RICTOR: variants seen among roughly 807,000 people sequenced by gnomAD.
RICTOR encodes RPTOR independent companion of MTOR complex 2.
RICTOR carries 49 observed loss-of-function variants against 214.9 expected under a neutral mutation model. That is an observed-to-expected ratio of 0.23 (90% CI 0.18 to 0.29). The LOEUF is 0.29. RICTOR is among the 10% of genes least tolerant of loss of function. The probability of loss-of-function intolerance (pLI) is 1.00; values close to 1 mark genes in which losing one functional copy is unlikely to be tolerated. For synonymous variants in RICTOR, 717 were observed against 711.3 expected (o/e 1.01, Z -0.13); for missense variants, 1,625 against 2,047.0 (o/e 0.79, Z 3.98).
At chr5:38,983,635 T>C (rs1427673730) in intron 7 of RICTOR, among the ~76,000 whole-genome samples, 1 of 152,186 alleles carries the variant, frequency 6.6e-6, no homozygotes, top group East Asian at 1.9e-4. Flanking sequence ...TGTATCTGTG[T>C]ACATGTACAT....
chr5:39,018,959 A>C (rs950566015), intron 3 of RICTOR, among the ~76,000 whole-genome samples: 1 of 152,172 alleles, frequency 6.6e-6, no homozygotes, highest in Admixed American at 6.5e-5. Flanking sequence ...TGAACACACA[A>C]ATAATATGAA....
At chr5:38,996,185 T>C (rs1199757317) in intron 6 of RICTOR, among the ~76,000 whole-genome samples, 2 of 152,218 alleles carry the variant, frequency 1.3e-5, no homozygotes, top group African/African-American at 4.8e-5. Flanking sequence ...TGACTGACAC[T>C]TGTCTCACTC....
At chr5:38,978,092 T>C (rs920805445) in intron 9 of RICTOR, among the ~76,000 whole-genome samples, 1 of 152,154 alleles carries the variant, frequency 6.6e-6, no homozygotes, top group Non-Finnish European at 1.5e-5. Flanking sequence ...TATCTCCAAA[T>C]ACCTAGTGAA....
At chr5:38,999,200 T>C (rs916215955) in intron 5 of RICTOR, among the ~76,000 whole-genome samples, 2 of 150,370 alleles carry the variant, frequency 1.3e-5, no homozygotes. Flanking sequence ...CGTTGAAAAA[T>C]ACAATAATGG....
chr5:38,975,734 A>ATC, intron 9 of RICTOR, 130 bp from the exon 10 acceptor site: 1 of 588,852 alleles, frequency 1.7e-6, no homozygotes, highest in Non-Finnish European at 2.9e-6. Flanking sequence ...TTAAAACAAG[A>ATC]CAAAGATCAG....
At chr5:38,943,045 C>T (rs924655206) in intron 36 of RICTOR, 74 bp from the exon 37 acceptor site, 25 of 1,104,348 alleles carry the variant, frequency 2.3e-5, no homozygotes, top group Non-Finnish European at 3.2e-5. Context: ...GTATCACTTA[C>T]TTTAAAAATA....
chr5:38,949,869 C>G lies in RICTOR; in HGVS notation c.3979G>C (p.Ala1327Pro), dbSNP rs1269377925. 6.2e-6 allele frequency: 10 copies of G among 1,613,284 alleles called. No individual in the cohort carries two copies. The change falls in exon 31 of 38, where the codon GCT (alanine) becomes CCT (proline). Residue 1327 changes from alanine (A) to proline (P), a missense_variant. By Grantham distance (27) the Ala-to-Pro change is conservative (BLOSUM62 -1). Coordinates refer to ENST00000357387, the MANE Select transcript of RICTOR (RefSeq NM_152756.5). ...CNFSYTSSRD[A>P]FGYATLKRLQ... ...CTTTTCAGTGTAGCATAGCCAAAAG[C>G]ATCTCTAGAACTTGTGTAACTAAAG...
In RICTOR at chr5:38,939,443, G is replaced by C. The variant is rs747220921; in HGVS notation, c.*2861C>G. The C allele has an allele frequency of 6.0e-5, 14 of 231,890 alleles. No individual in the cohort carries two copies. Among genetic ancestry groups the C allele is most frequent in the Non-Finnish European group, 1.1e-4 (13 of 117,406 alleles). The allele number at this position is 231,890 out of a possible 1,614,324, so 14.4% of individuals were successfully genotyped here. On this transcript the variant is annotated 3_prime_UTR_variant, in exon 38 of 38. Transcript: ENST00000357387. The stretch of plus-strand genomic sequence containing the variant: ...CGTTATTAGAAAAAATTTAATTAGG[G>C]AGAACAGACTGTTTCCCCCTTCCAA...
chr5:38,990,746 A>ATATATATCATATATATCATATATAT (rs1164554083), intron 7 of RICTOR, among the ~76,000 whole-genome samples: 25 of 113,480 alleles, frequency 2.2e-4, no homozygotes, highest in African/African-American at 6.6e-4. Context: ...GATATATATG[A>ATATATATCATATATATCATATATAT]GATATATGAT....
intron 10 of RICTOR, 67 bp downstream of exon 10, chr5:38,975,470 T>TG: frequency 1.8e-6 from 2 of 1,087,978 alleles, no homozygotes; most frequent in Non-Finnish European, 2.8e-6. Flanking sequence ...ACAATAATAA[T>TG]TTAACATTTG....
chr5:38,943,032 A>G, intron 36 of RICTOR, 61 bp from the exon 37 acceptor site: 2 of 1,261,636 alleles, frequency 1.6e-6, no homozygotes, highest in Non-Finnish European at 2.3e-6. Context: ...TTTTTCCTCC[A>G]AGGTATCACT....
At chr5:39,065,896 T>C (rs774183101) in intron 2 of RICTOR, among the ~76,000 whole-genome samples, 1 of 152,140 alleles carries the variant, frequency 6.6e-6, no homozygotes, top group Non-Finnish European at 1.5e-5. Context: ...CTCTCACAGG[T>C]TTTAGTTGAA....
At chr5:38,992,783 TA>T (rs939565046) in intron 6 of RICTOR, among the ~76,000 whole-genome samples, 2 of 152,168 alleles carry the variant, frequency 1.3e-5, no homozygotes, top group African/African-American at 4.8e-5. Flanking sequence ...GAATGCTCAG[TA>T]AGGGAGAAGC....
intron 5 of RICTOR, 55 bp downstream of exon 5, chr5:39,002,480 G>A (rs2150105373): frequency 1.0e-5 from 13 of 1,247,198 alleles, no homozygotes; most frequent in Non-Finnish European, 1.5e-5. Flanking sequence ...TGGCAGGCAT[G>A]CTAAAAACTC....
Position 38,993,850 on chromosome 5 carries a change from T to C in RICTOR, c.457-2775A>G, listed in dbSNP as rs192484494. Among the ~76,000 whole-genome samples the C allele has an allele frequency of 2.2e-3, 334 of 152,246 alleles. 1 individual carries two copies. The highest frequency in any genetic ancestry group is 7.6e-3 in the African/African-American group (316 of 41,544). ...AACTTTGCTTTCTGATGGTTCAATA[T>C]ACATAAACTTTGTTTCATGCACAAA... is the stretch of plus-strand genomic sequence containing the variant. On this transcript the variant is annotated intron_variant, in intron 6 of 37. Coordinates refer to ENST00000357387, the MANE Select transcript of RICTOR (RefSeq NM_152756.5).
At chr5:38,988,187 G>A (rs752511004) in intron 7 of RICTOR, among the ~76,000 whole-genome samples, 2 of 152,060 alleles carry the variant, frequency 1.3e-5, no homozygotes, top group African/African-American at 4.8e-5. Flanking sequence ...TGTTGATTTG[G>A]GGTGGAGAGT....
At chr5:39,048,486 A>G (rs1048882878) in intron 2 of RICTOR, among the ~76,000 whole-genome samples, 3 of 152,118 alleles carry the variant, frequency 2.0e-5, no homozygotes, top group African/African-American at 7.2e-5. Flanking sequence ...CTACTTGGCA[A>G]TTCCTCAAAT....
chr5:39,021,555 AT>A (rs2150136520), intron 2 of RICTOR, among the ~76,000 whole-genome samples: 1 of 152,248 alleles, frequency 6.6e-6, no homozygotes, highest in African/African-American at 2.4e-5. Context: ...TGAGTTTGTT[AT>A]AAAAGCTTTT....
In RICTOR at chr5:38,950,162, A is replaced by G. The variant is rs1489242950; in HGVS notation, c.3686T>C (p.Ile1229Thr). The G allele has an allele frequency of 6.2e-7, 1 of 1,613,440 alleles. No homozygotes were observed. The highest frequency in any genetic ancestry group is 8.5e-7 in the Non-Finnish European group (1 of 1,179,672). ...TGAAGGACTTGAGCTCATTGAACTTATGCCACTTGTTGTAGTGTCTGTATT... is the reference window on the plus strand; with the variant it reads ...TGAAGGACTTGAGCTCATTGAACTTGTGCCACTTGTTGTAGTGTCTGTATT... The part of the protein sequence containing the change: ...SFNTDTTTSG[I>T]SSMSSSPSRE... The change falls in exon 31 of 38, where the codon ATA (isoleucine) becomes ACA (threonine). Residue 1229 changes from isoleucine to threonine, a missense_variant. By Grantham distance (89) the Ile-to-Thr change is moderately conservative (BLOSUM62 -1). This residue lies in a region of RICTOR where 1,214 missense variants were observed against 1,470.5 expected (regional missense o/e 0.83). Coordinates refer to ENST00000357387, the MANE Select transcript of RICTOR (RefSeq NM_152756.5).
Sources: allele counts gnomAD v4.1 joint callset (sites outside exome capture counted in the v4.1 genomes callset), GRCh38; gene constraint gnomAD v4.1.1; regional missense constraint gnomAD v4.1.1; transcripts MANE v1.5; gene names NCBI Gene and HGNC (gene_info 2026-07-23, HGNC 2026-07-21).